The following VPS13B variants were observed in gnomAD, a reference collection of about 807,000 sequenced individuals.
VPS13B encodes the protein intermembrane lipid transfer protein VPS13B.
A neutral mutation model predicts 426.4 loss-of-function variants in VPS13B; 285 were observed. The ratio of observed to expected loss-of-function variants is 0.67; its 90% CI spans 0.61 to 0.74. The LOEUF (loss-of-function observed/expected upper bound fraction) is 0.74, where lower values mean the gene tolerates loss of function less well. Among genes scored for constraint, VPS13B ranks in the 30% least tolerant of loss-of-function variants. The pLI is 0.00. For synonymous variants in VPS13B, 1,676 were observed against 1,676.4 expected, an observed-to-expected ratio of 1.00 and a Z score of 0.01; for missense variants, 4,537 against 4,782.6, an observed-to-expected ratio of 0.95 and a Z score of 1.51.
intron 12 of VPS13B, among the ~76,000 whole-genome samples, chr8:99,138,933 C>A (rs938598929): frequency 6.6e-6 from 1 of 152,122 alleles, no homozygotes; most frequent in Non-Finnish European, 1.5e-5. Flanking sequence ...GCCTCTCCTG[C>A]AGTTTTTAAA....
chr8:99,541,287 A>G (rs555197428), intron 30 of VPS13B, among the ~76,000 whole-genome samples: 1 of 152,258 alleles, frequency 6.6e-6, no homozygotes, highest in South Asian at 2.1e-4. Flanking sequence ...AAAGCTTTTG[A>G]TATGGTACTA....
chr8:99,377,718 G>T (rs1813562686), intron 19 of VPS13B, among the ~76,000 whole-genome samples: 1 of 152,156 alleles, frequency 6.6e-6, no homozygotes, highest in Admixed American at 6.5e-5. Flanking sequence ...TATTAAAGCT[G>T]GGTGTCTGGG....
chr8:99,564,528 G>A (rs1447030823), intron 31 of VPS13B, among the ~76,000 whole-genome samples: 1 of 152,202 alleles, frequency 6.6e-6, no homozygotes, highest in African/African-American at 2.4e-5. Flanking sequence ...TTGTTCAGCA[G>A]GGTCAAGAGT....
intron 19 of VPS13B, among the ~76,000 whole-genome samples, chr8:99,283,116 T>C (rs1819254589): frequency 6.6e-6 from 1 of 152,216 alleles, no homozygotes; most frequent in Non-Finnish European, 1.5e-5. Context: ...TATTGTAAGT[T>C]TTAATTTGTA....
chr8:99,044,220 G>A (rs1328049944), intron 3 of VPS13B, among the ~76,000 whole-genome samples: 1 of 150,564 alleles, frequency 6.6e-6, no homozygotes. Flanking sequence ...GGTAGCTGGG[G>A]CTACAGGCGC....
At chr8:99,712,570 T>C (rs1451020037) in intron 36 of VPS13B, among the ~76,000 whole-genome samples, 1 of 152,128 alleles carries the variant, frequency 6.6e-6, no homozygotes, top group African/African-American at 2.4e-5. Flanking sequence ...CTGAAGCACA[T>C]TGTGTGTCCT....
intron 39 of VPS13B, among the ~76,000 whole-genome samples, chr8:99,754,107 T>C (rs1337439919): frequency 6.9e-6 from 1 of 144,860 alleles, no homozygotes; most frequent in Admixed American, 7.0e-5. Flanking sequence ...TTTTTTTTGG[T>C]ATGACTTCTA....
At chr8:99,839,523 A>G (rs1396831562) in intron 54 of VPS13B, among the ~76,000 whole-genome samples, 4 of 152,178 alleles carry the variant, frequency 2.6e-5, no homozygotes, top group Non-Finnish European at 4.4e-5. Context: ...TTTTATGTCT[A>G]TTTACTGATG....
intron 58 of VPS13B, 141 bp downstream of exon 58, chr8:99,862,087 A>G (rs1816866441): frequency 9.9e-7 from 1 of 1,013,308 alleles, no homozygotes; most frequent in Non-Finnish European, 1.4e-6. Context: ...TCTGAGTTCT[A>G]CAGTGCGTCC....
At chr8:99,337,060 A>G (rs1451199731) in intron 19 of VPS13B, among the ~76,000 whole-genome samples, 1 of 152,152 alleles carries the variant, frequency 6.6e-6, no homozygotes, top group Non-Finnish European at 1.5e-5. Context: ...AGACACATGC[A>G]CACGTATGTT....
In VPS13B at chr8:99,218,405, G is replaced by T. The variant is rs145593003; in HGVS notation, c.2515+25348G>T. Among the ~76,000 whole-genome samples, 952 of 152,280 alleles carry T rather than the reference G, an allele frequency of 6.3e-3. 8 individuals are homozygous for T. Among genetic ancestry groups the T allele is most frequent in the African/African-American group, 0.021 (893 of 41,544 alleles). ...CAAAAGGAGATGATTCCTTTGTGATGACAGATGCATTTGTTGACATTTATT... is the reference window on the plus strand; with the variant it reads ...CAAAAGGAGATGATTCCTTTGTGATTACAGATGCATTTGTTGACATTTATT... On this transcript the variant is annotated intron_variant, in intron 17 of 61. Transcript: ENST00000357162.
chr8:99,651,898 A>G (rs950729208), intron 34 of VPS13B, among the ~76,000 whole-genome samples: 2 of 152,162 alleles, frequency 1.3e-5, no homozygotes, highest in African/African-American at 4.8e-5. Flanking sequence ...CTTGTTACCC[A>G]TTAATGTGTG....
Position 99,679,786 on chromosome 8 carries a change from G to A in VPS13B, c.6046+18295G>A, listed in dbSNP as rs538075460. 2.6e-5 allele frequency among the ~76,000 whole-genome samples: 4 copies of A among 152,220 alleles called. No individual in the cohort carries two copies. In the South Asian group the frequency reaches 8.3e-4, roughly 32 times the overall value. On this transcript the variant is annotated intron_variant, in intron 35 of 61. Transcript: ENST00000357162. ...CAGGTTTTCTAGCTCTTATACCTGT[G>A]AATACTCCGTCTCCCTTGTCCACTG...
intron 35 of VPS13B, among the ~76,000 whole-genome samples, chr8:99,664,450 A>G (rs984611197): frequency 6.6e-6 from 1 of 151,548 alleles, no homozygotes; most frequent in Non-Finnish European, 1.5e-5. Flanking sequence ...TATATCTCCT[A>G]ATGCTATCCC....
chr8:99,504,448 A>G lies in VPS13B; in HGVS notation c.4157+1498A>G, dbSNP rs185534198. 2.0e-5 allele frequency among the ~76,000 whole-genome samples: 3 copies of G among 152,342 alleles called. No individual in the cohort carries two copies. In the East Asian group the frequency reaches 5.8e-4, roughly 29 times the overall value. ...GTAATAAGTCTTGAAAGACAGAATT[A>G]CTGCTTGATCCATGAGCTGAAGAGT... On this transcript the variant is annotated intron_variant, in intron 27 of 61. Coordinates refer to ENST00000357162, the MANE Select transcript of VPS13B (RefSeq NM_152564.5).
chr8:99,734,044 TA>T (rs1297990654), intron 39 of VPS13B, among the ~76,000 whole-genome samples: 8 of 152,206 alleles, frequency 5.3e-5, no homozygotes, highest in Non-Finnish European at 7.4e-5. Context: ...CCCCCAGCCC[TA>T]AGTAATCACG....
At chr8:99,143,293 A>G (rs577385715) in intron 13 of VPS13B, 128 bp downstream of exon 13, 195 of 1,119,824 alleles carry the variant, frequency 1.7e-4, no homozygotes, top group Admixed American at 3.7e-4. Flanking sequence ...ACTTTGATAT[A>G]TGTAGCTGTT....
chr8:99,389,932 T>A (rs1814330972), intron 20 of VPS13B, among the ~76,000 whole-genome samples: 1 of 152,110 alleles, frequency 6.6e-6, no homozygotes. Context: ...ATGAGGAAAT[T>A]TAAATGCATC....
Position 99,420,436 on chromosome 8 carries a change from T to G in VPS13B, c.3083-11101T>G, listed in dbSNP as rs374953733. Among the ~76,000 whole-genome samples the G allele has an allele frequency of 1.2e-4, 19 of 152,266 alleles. 2 individuals carry two copies. Among genetic ancestry groups the G allele is most frequent in the African/African-American group, 4.6e-4 (19 of 41,582 alleles). On this transcript the variant is annotated intron_variant, in intron 21 of 61. Transcript: ENST00000357162. Reference sequence around the variant, plus strand: ...AGGTTCCAGTTCGACTTGAAGAAGGTAAAGAGATGTTTTCGTATAAATCAT... The same window carrying G: ...AGGTTCCAGTTCGACTTGAAGAAGGGAAAGAGATGTTTTCGTATAAATCAT...
Sources: gnomAD v4.1 joint callset for allele counts (sites outside exome capture counted in the v4.1 genomes callset) on GRCh38, gnomAD v4.1.1 for gene constraint, MANE v1.5 for transcripts, NCBI Gene and HGNC (gene_info 2026-07-23, HGNC 2026-07-21) for gene names.